Variants in MYCBP2 observed in about 807,000 individuals in gnomAD.
MYCBP2 encodes the protein E3 ubiquitin-protein ligase MYCBP2.
Under a neutral mutation model 525.3 loss-of-function variants are expected in MYCBP2, and 120 were observed. The ratio of observed to expected loss-of-function variants is 0.23; its 90% CI spans 0.20 to 0.27. MYCBP2 has a LOEUF of 0.27. MYCBP2 is among the 10% of genes least tolerant of loss of function. MYCBP2 has a pLI of 1.00. For synonymous variants in MYCBP2, 1,894 were observed against 1,955.8 expected, an observed-to-expected ratio of 0.97 and a Z score of 0.83; for missense variants, 4,149 against 5,657.1, an observed-to-expected ratio of 0.73 and a Z score of 8.55.
chr13:77,078,345 C>T (rs1360458990), intron 66 of MYCBP2, among the ~76,000 whole-genome samples: 1 of 152,188 alleles, frequency 6.6e-6, no homozygotes, highest in South Asian at 2.1e-4. Flanking sequence ...AGCTTGAGCA[C>T]AGTCTCAGAC....
At chr13:77,073,305 C>T (rs905131554) in intron 68 of MYCBP2, among the ~76,000 whole-genome samples, 13 of 152,060 alleles carry the variant, frequency 8.5e-5, no homozygotes, top group African/African-American at 3.1e-4. Context: ...GTCTGGGTGA[C>T]AGAGTTAAGA....
In MYCBP2 at chr13:77,189,084, AGTCCAAT is replaced by A. The variant is rs765331023; in HGVS notation, c.4155-44_4155-38del. ...AGACACATATAAAATTATGTTAGAA[AGTCCAAT>A]GTCATTTTTTCTTTTTAAAGTATAT... On this transcript the variant is annotated intron_variant, in intron 29 of 82. Transcript: ENST00000544440. 8 of 1,412,036 alleles carry A rather than the reference AGTCCAAT, an allele frequency of 5.7e-6. No homozygotes were observed. The South Asian group carries it at 9.1e-5, about 16-fold the overall frequency. The allele number at this position is 1,412,036 out of a possible 1,614,324, so 87.5% of individuals were successfully genotyped here. A position where few individuals can be genotyped will look rare whatever the true frequency, so the allele number is the denominator to read the frequency against.
chr13:77,100,724 A>C (rs1266993902), intron 55 of MYCBP2, among the ~76,000 whole-genome samples: 1 of 152,110 alleles, frequency 6.6e-6, no homozygotes, highest in Non-Finnish European at 1.5e-5. Context: ...CTAAAACATA[A>C]TGCTTTTTAG....
At position 77,153,680 on chromosome 13, in the gene MYCBP2, TA is replaced by T. The variant is rs753852989; in HGVS notation, c.6915+2377del. ...GCTTTCTTTTACAAACTGTGTTACT[TA>T]AAAAAAAAGTTATTCTTGTATTTCC... On this transcript the variant is annotated intron_variant, in intron 46 of 82. Coordinates refer to ENST00000544440, the MANE Select transcript of MYCBP2 (RefSeq NM_015057.5). 1.7e-3 allele frequency among the ~76,000 whole-genome samples: 257 copies of T among 151,600 alleles called. 1 individual carries two copies. Among genetic ancestry groups the T allele is most frequent in the African/African-American group, 5.7e-3 (234 of 41,380 alleles).
At chr13:77,250,299 G>A (rs1283195620) in intron 15 of MYCBP2, among the ~76,000 whole-genome samples, 1 of 151,934 alleles carries the variant, frequency 6.6e-6, no homozygotes, top group Non-Finnish European at 1.5e-5. Flanking sequence ...ACTATGAAAG[G>A]CCAAATATAA....
At chr13:77,124,558 G>C (rs553153936) in intron 54 of MYCBP2, among the ~76,000 whole-genome samples, 79 of 152,236 alleles carry the variant, frequency 5.2e-4, no homozygotes, top group African/African-American at 1.8e-3. Context: ...CAACTAGTAT[G>C]TGTCAAAACT....
chr13:77,244,998 G>A (rs1393137072), intron 15 of MYCBP2, among the ~76,000 whole-genome samples: 2 of 151,976 alleles, frequency 1.3e-5, no homozygotes, highest in Admixed American at 6.6e-5. Context: ...GCCAACAAAC[G>A]AAAAAAAGCT....
At chr13:77,183,541 C>CTTTTTTTT (rs60927409) in intron 32 of MYCBP2, among the ~76,000 whole-genome samples, 3,130 of 66,102 alleles carry the variant, frequency 0.047, 428 homozygotes, top group Non-Finnish European at 0.058. Context: ...GTCCCTATTT[C>CTTTTTTTT]TTTTTTTTTT....
intron 20 of MYCBP2, among the ~76,000 whole-genome samples, chr13:77,219,907 T>A: frequency 6.6e-6 from 1 of 152,108 alleles, no homozygotes; most frequent in East Asian, 1.9e-4. Flanking sequence ...TTTAAGTGTA[T>A]ATTCTTGTAT....
chr13:77,286,200 T>C (rs1184216957), intron 3 of MYCBP2, among the ~76,000 whole-genome samples: 2 of 152,226 alleles, frequency 1.3e-5, no homozygotes, highest in African/African-American at 4.8e-5. Flanking sequence ...AGGTTCCATT[T>C]ATGCTGCTAT....
intron 26 of MYCBP2, among the ~76,000 whole-genome samples, chr13:77,197,942 T>C (rs1263491226): frequency 1.3e-5 from 2 of 152,108 alleles, no homozygotes; most frequent in Non-Finnish European, 2.9e-5. Flanking sequence ...AAACAACATA[T>C]ATGGAAGGCC....
At chr13:77,131,782 A>G (rs563410999) in intron 52 of MYCBP2, among the ~76,000 whole-genome samples, 3 of 152,294 alleles carry the variant, frequency 2.0e-5, no homozygotes, top group Non-Finnish European at 4.4e-5. Context: ...AAGTTCTGTC[A>G]AGAAAATTAG....
At position 77,058,283 on chromosome 13, in the gene MYCBP2, G is replaced by C; in HGVS notation, c.13264C>G (p.Gln4422Glu). The change falls in exon 78 of 83, where the codon CAA becomes GAA. Residue 4422 changes from glutamine (Q) to glutamate (E), a missense_variant. By Grantham distance (29) the Gln-to-Glu change is conservative. Transcript: ENST00000544440. This position sits in a 1 kb window ranked among gnomAD's most constrained non-coding sequence, Gnocchi z 4.1. Reference sequence around the variant, plus strand: ...ATCATGCACATGTCATCGGCGTCTTGCTTCAGGCTTGTGGCACTTTTGTCA... The same window carrying C: ...ATCATGCACATGTCATCGGCGTCTTCCTTCAGGCTTGTGGCACTTTTGTCA... ...GCDKSATSLK[Q>E]DADDMCMICF... is the part of the protein sequence containing the mutation. The C allele has an allele frequency of 6.2e-7, 1 of 1,614,206 alleles. No homozygotes were observed. The highest frequency in any genetic ancestry group is 8.5e-7 in the Non-Finnish European group (1 of 1,180,038).
chr13:77,077,878 G>A (rs1378509161), intron 66 of MYCBP2: 1 of 152,702 alleles, frequency 6.5e-6, no homozygotes. Context: ...TACATAATAT[G>A]TAACTTCACA....
At chr13:77,235,023 C>G (rs986568679) in intron 17 of MYCBP2, among the ~76,000 whole-genome samples, 1 of 151,832 alleles carries the variant, frequency 6.6e-6, no homozygotes, top group South Asian at 2.1e-4. Context: ...CAATTGGGCT[C>G]GAAAATACTA....
At chr13:77,208,854 G>A (rs1350401970) in intron 23 of MYCBP2, among the ~76,000 whole-genome samples, 2 of 152,120 alleles carry the variant, frequency 1.3e-5, no homozygotes, top group Non-Finnish European at 2.9e-5. Flanking sequence ...AATAAAACAG[G>A]TGTTCTTAAC....
chr13:77,286,549 C>T (rs1279840099), intron 3 of MYCBP2, among the ~76,000 whole-genome samples: 6 of 150,090 alleles, frequency 4.0e-5, no homozygotes, highest in African/African-American at 1.5e-4. Flanking sequence ...GTCAGGAGAT[C>T]GAGACCATCC....
chr13:77,283,029 T>C (rs553020590), intron 3 of MYCBP2, among the ~76,000 whole-genome samples: 14 of 152,118 alleles, frequency 9.2e-5, no homozygotes, highest in East Asian at 1.9e-4. Flanking sequence ...CCTGTAGTTA[T>C]GGATATGCCT....
chr13:77,320,437 C>A (rs1042632321), intron 1 of MYCBP2, among the ~76,000 whole-genome samples: 6 of 152,172 alleles, frequency 3.9e-5, no homozygotes, highest in Non-Finnish European at 7.4e-5. Flanking sequence ...AAGGCCAACT[C>A]TTCTTTGCAG....
Sources: allele counts gnomAD v4.1 joint callset (sites outside exome capture counted in the v4.1 genomes callset), GRCh38; gene constraint gnomAD v4.1.1; non-coding constraint Gnocchi (gnomAD v3.1); transcripts MANE v1.5; gene names NCBI Gene and HGNC (gene_info 2026-07-23, HGNC 2026-07-21).